HMCES: variants seen among roughly 807,000 people sequenced by gnomAD.
HMCES encodes abasic site processing protein HMCES.
Under a neutral mutation model 35.1 loss-of-function variants are expected in HMCES, and 27 were observed. That is an observed-to-expected ratio of 0.77 (90% CI 0.57 to 1.06). HMCES has a LOEUF of 1.06. Among genes scored for constraint, HMCES ranks in the 50% least tolerant of loss-of-function variants. The pLI is 0.00. For missense variants in HMCES, 391 were observed against 430.4 expected (o/e 0.91, Z 0.81); for synonymous variants, 130 against 154.7 (o/e 0.84, Z 1.18).
rs761152034 is a variant in HMCES at position 129,301,030 on chromosome 3, CA to C, written c.636-908del. ...TGGGCAACACAGTGAGACTCCATCT[CA>C]AAAAAAAAAAATTAGCCGGGCATGG... On this transcript the variant is annotated intron_variant, in intron 5 of 6. Transcript: ENST00000383463. Among the ~76,000 whole-genome samples the C allele has an allele frequency of 3.7e-3, 444 of 119,510 alleles. 4 individuals are homozygous for C. The highest frequency in any genetic ancestry group is 0.011 in the African/African-American group (332 of 30,404). 78.4% of individuals were successfully genotyped at this position (119,510 alleles called of 152,430 possible). A position where few individuals can be genotyped will look rare whatever the true frequency, so the allele number is the denominator to read the frequency against.
chr3:129,281,952 A>T (rs2107684659), intron 2 of HMCES, among the ~76,000 whole-genome samples: 1 of 151,976 alleles, frequency 6.6e-6, no homozygotes, highest in South Asian at 2.1e-4. Flanking sequence ...AAAAAAATCA[A>T]ATAATGTTCT....
intron 4 of HMCES, among the ~76,000 whole-genome samples, chr3:129,294,295 T>C (rs1364805493): frequency 1.3e-5 from 2 of 151,668 alleles, no homozygotes; most frequent in African/African-American, 4.8e-5. Flanking sequence ...CAGTGGTGGG[T>C]GCCTGTAGTC....
intron 2 of HMCES, among the ~76,000 whole-genome samples, chr3:129,287,188 G>GTTTT (rs201715773): frequency 6.6e-6 from 1 of 150,472 alleles, no homozygotes; most frequent in Admixed American, 6.6e-5. Context: ...TATGTACAGT[G>GTTTT]TTTTTGTTTT....
rs1940407801 is a variant in HMCES, at chr3:129,279,710, G to T, written c.-23G>T. The T allele has an allele frequency of 6.2e-7, 1 of 1,611,420 alleles. No homozygotes were observed. Among genetic ancestry groups the T allele is most frequent in the Non-Finnish European group, 8.5e-7 (1 of 1,179,030 alleles). ...TTTCCTTACGTTTTGTAATTTAAAG[G>T]TTGCGAGGGGCGGTGTTGAAGAATG... On this transcript the variant is annotated splice_region_variant and 5_prime_UTR_variant, in exon 2 of 7. Transcript: ENST00000383463. This position sits in a 1 kb window ranked among gnomAD's most constrained non-coding sequence, Gnocchi z 4.2.
At chr3:129,295,578 G>A (rs2071082430) in intron 4 of HMCES, among the ~76,000 whole-genome samples, 2 of 152,108 alleles carry the variant, frequency 1.3e-5, no homozygotes. Context: ...GGCAACCACT[G>A]TCTGGTATTT....
chr3:129,298,594 C>T, intron 5 of HMCES, 59 bp downstream of exon 5: 1 of 1,468,508 alleles, frequency 6.8e-7, no homozygotes, highest in Non-Finnish European at 9.4e-7. Context: ...TTGTCCTCTG[C>T]TTTTAGGTAG....
In HMCES at chr3:129,305,430, C is replaced by G. The variant is rs941650412; in HGVS notation, c.*605C>G. The G allele has an allele frequency of 2.6e-5, 4 of 151,980 alleles. No homozygotes were observed. The highest frequency in any genetic ancestry group is 9.7e-5 in the African/African-American group (4 of 41,354). 9.4% of individuals were successfully genotyped at this position (151,980 alleles called of 1,614,324 possible). ...GCTTTCTGAGGAAATAACTACAAGT[C>G]TTGGTGGTGGGCTCCTTATTATGTT... On this transcript the variant is annotated 3_prime_UTR_variant, in exon 7 of 7. Transcript: ENST00000383463.
intron 4 of HMCES, among the ~76,000 whole-genome samples, chr3:129,298,113 G>A (rs937165205): frequency 3.3e-5 from 5 of 152,158 alleles, no homozygotes; most frequent in African/African-American, 9.7e-5. Flanking sequence ...GCCAGTTCAC[G>A]GAAGGCCTAA....
At chr3:129,303,474 G>C (rs2071196269) in intron 6 of HMCES, among the ~76,000 whole-genome samples, 1 of 152,032 alleles carries the variant, frequency 6.6e-6, no homozygotes, top group African/African-American at 2.4e-5. Context: ...TCTATATACA[G>C]GTTGAATATC....
At chr3:129,289,289 T>C (rs1940730448) in intron 3 of HMCES, among the ~76,000 whole-genome samples, 2 of 152,228 alleles carry the variant, frequency 1.3e-5, no homozygotes, top group Admixed American at 1.3e-4. Context: ...CAGCTGAGGC[T>C]GGATGTCCAA....
chr3:129,300,460 A>C (rs1017593122), intron 5 of HMCES, among the ~76,000 whole-genome samples: 21 of 152,330 alleles, frequency 1.4e-4, no homozygotes, highest in Admixed American at 1.4e-3. Flanking sequence ...AGAACTGACT[A>C]TACTTGTATT....
rs10712 is a variant in HMCES at position 129,305,196 on chromosome 3, C to G, written c.*371C>G. On this transcript the variant is annotated 3_prime_UTR_variant, in exon 7 of 7. Coordinates refer to ENST00000383463, the MANE Select transcript of HMCES (RefSeq NM_020187.3). The stretch of plus-strand genomic sequence containing the variant: ...TCTGCTCAGCCACTGGGCTCTTTCA[C>G]TTTTTTAGTTCTTAAAAATTTATTT... 0.22 allele frequency: 45,019 copies of G among 200,162 alleles called. 8,876 individuals are homozygous for G. Among genetic ancestry groups the G allele is most frequent in the African/African-American group, 0.58 (25,183 of 43,288 alleles). The allele number at this position is 200,162 out of a possible 1,614,324, so 12.4% of individuals were successfully genotyped here. A position where few individuals can be genotyped will look rare whatever the true frequency, so the allele number is the denominator to read the frequency against.
chr3:129,303,085 C>T (rs1262052601), intron 6 of HMCES, among the ~76,000 whole-genome samples: 2 of 152,090 alleles, frequency 1.3e-5, no homozygotes, highest in African/African-American at 4.8e-5. Flanking sequence ...CTACCATGAA[C>T]CTTAACTTCT....
At chr3:129,294,300 G>A (rs1365956859) in intron 4 of HMCES, among the ~76,000 whole-genome samples, 3 of 152,082 alleles carry the variant, frequency 2.0e-5, no homozygotes, top group South Asian at 4.2e-4. Flanking sequence ...GTGGGTGCCT[G>A]TAGTCCCAGC....
chr3:129,289,022 C>A (rs1300052149), intron 3 of HMCES, 25 bp downstream of exon 3: 2 of 1,507,928 alleles, frequency 1.3e-6, no homozygotes, highest in East Asian at 4.6e-5. Context: ...GCTATTAGTG[C>A]CCCGTATACC....
chr3:129,297,352 C>T (rs1295316880), intron 4 of HMCES, among the ~76,000 whole-genome samples: 2 of 152,048 alleles, frequency 1.3e-5, no homozygotes, highest in African/African-American at 4.8e-5. Context: ...TTTTCTCCTT[C>T]CCCAGCCTCT....
At chr3:129,299,626 TG>T (rs1201000680) in intron 5 of HMCES, among the ~76,000 whole-genome samples, 3 of 151,458 alleles carry the variant, frequency 2.0e-5, no homozygotes, top group Non-Finnish European at 4.4e-5. Flanking sequence ...ATATATTTTT[TG>T]TATGAACCTT....
intron 2 of HMCES, among the ~76,000 whole-genome samples, chr3:129,285,367 A>G (rs1221281139): frequency 2.0e-5 from 3 of 152,126 alleles, no homozygotes; most frequent in African/African-American, 7.2e-5. Flanking sequence ...CCCACAGGGT[A>G]ATTATTGTTT....
In HMCES at chr3:129,290,807, AT is replaced by A. The variant is rs755582445; in HGVS notation, c.453+4del. On this transcript the variant is annotated splice_donor_region_variant and intron_variant, in intron 4 of 6. Coordinates refer to ENST00000383463, the MANE Select transcript of HMCES (RefSeq NM_020187.3). ...TTCCTCAAATCAAGACAGAGAAGGT[AT>A]CATTATCAGCATTCACAATATATAT... The A allele has an allele frequency of 1.2e-6, 2 of 1,611,786 alleles. No homozygotes were observed. Among genetic ancestry groups the A allele is most frequent in the Non-Finnish European group, 1.7e-6 (2 of 1,178,270 alleles).
Sources: allele counts gnomAD v4.1 joint callset (sites outside exome capture counted in the v4.1 genomes callset), GRCh38; gene constraint gnomAD v4.1.1; non-coding constraint Gnocchi (gnomAD v3.1); transcripts MANE v1.5; gene names NCBI Gene and HGNC (gene_info 2026-07-23, HGNC 2026-07-21).